Variants in HABP2 observed in about 807,000 individuals in gnomAD.
The protein encoded by HABP2 is factor VII-activating protease.
In HABP2, 65 loss-of-function variants were observed where a neutral mutation model predicts 66.5. That is an observed-to-expected ratio of 0.98 (90% CI 0.80 to 1.20). The LOEUF (loss-of-function observed/expected upper bound fraction) is 1.20. Among genes scored for constraint, HABP2 ranks in the 50% most tolerant of loss-of-function variants. The pLI, the probability that HABP2 is intolerant of heterozygous loss-of-function variation, is 0.00. For missense variants in HABP2, 786 were observed against 691.0 expected (o/e 1.14, Z -1.54); for synonymous variants, 263 against 253.9 (o/e 1.04, Z -0.34).
intron 7 of HABP2, among the ~76,000 whole-genome samples, chr10:113,580,110 G>A (rs1397952944): frequency 6.7e-6 from 1 of 148,158 alleles, no homozygotes; most frequent in Non-Finnish European, 1.5e-5. Flanking sequence ...CAAAACACTA[G>A]TACTTTCCAC....
At position 113,582,786 on chromosome 10, in the gene HABP2, G is replaced by C. The variant is rs143166135; in HGVS notation, c.1095-430G>C. Among the ~76,000 whole-genome samples, 25 of 152,332 alleles carry C rather than the reference G, an allele frequency of 1.6e-4. 1 individual carries two copies. The East Asian group carries it at 4.8e-3, about 29-fold the overall frequency. On this transcript the variant is annotated intron_variant, in intron 9 of 12. Transcript: ENST00000351270. ...CTGAGCTCCCTGTGCTCATGGTCAAGGCTGGTCCAACAAAGTCTGGGTTTT... is the reference window on the plus strand; with the variant it reads ...CTGAGCTCCCTGTGCTCATGGTCAACGCTGGTCCAACAAAGTCTGGGTTTT...
chr10:113,554,679 A>AT (rs1385536089), intron 1 of HABP2, among the ~76,000 whole-genome samples: 1 of 152,238 alleles, frequency 6.6e-6, no homozygotes, highest in Non-Finnish European at 1.5e-5. Context: ...CCCAGAGAAC[A>AT]TACCAGTCGG....
chr10:113,556,034 A>G (rs181206946), intron 1 of HABP2, among the ~76,000 whole-genome samples: 39 of 149,156 alleles, frequency 2.6e-4, no homozygotes, highest in African/African-American at 8.7e-4. Flanking sequence ...AGAAAGAAGA[A>G]AGACAAAGGC....
At chr10:113,564,600 C>A (rs188543987) in intron 1 of HABP2, among the ~76,000 whole-genome samples, 2 of 152,098 alleles carry the variant, frequency 1.3e-5, no homozygotes, top group East Asian at 1.9e-4. Context: ...TAACAAATGA[C>A]CTCTCTTCCT....
chr10:113,553,110 TA>T lies in HABP2; in HGVS notation c.-9del. The T allele has an allele frequency of 6.2e-7, 1 of 1,610,572 alleles. No individual in the cohort carries two copies. Among genetic ancestry groups the T allele is most frequent in the Non-Finnish European group, 8.5e-7 (1 of 1,176,768 alleles). ...TTATTGAGAGGAAAACACAAGTCCT[TA>T]AACTGCAAAGATGTTTGCCAGGATG... On this transcript the variant is annotated 5_prime_UTR_variant, in exon 1 of 13. Coordinates refer to ENST00000351270, the MANE Select transcript of HABP2 (RefSeq NM_004132.5).
chr10:113,570,829 C>G (rs1364600437), intron 2 of HABP2, among the ~76,000 whole-genome samples: 1 of 152,206 alleles, frequency 6.6e-6, no homozygotes, highest in African/African-American at 2.4e-5. Flanking sequence ...ACATTAACTA[C>G]AGGTAGGGCT....
chr10:113,587,344 A>AAG (rs1845663809), intron 12 of HABP2, among the ~76,000 whole-genome samples: 1 of 151,956 alleles, frequency 6.6e-6, no homozygotes, highest in Non-Finnish European at 1.5e-5. Context: ...CAAACAAAAA[A>AAG]AAACCTCATT....
intron 1 of HABP2, among the ~76,000 whole-genome samples, chr10:113,565,334 A>ATTT (rs1592686517): frequency 3.3e-5 from 5 of 151,564 alleles, no homozygotes; most frequent in Non-Finnish European, 5.9e-5. Context: ...ATTTTTTTTA[A>ATTT]AAAAGAGGTT....
rs201282205 is a variant in HABP2 at position 113,577,153 on chromosome 10, A to G, written c.335A>G (p.Gln112Arg). 347 of 1,585,834 alleles carry G rather than the reference A, an allele frequency of 2.2e-4. 1 individual carries two copies. Among genetic ancestry groups the G allele is most frequent in the Non-Finnish European group, 2.9e-4 (334 of 1,154,256 alleles). The change falls in exon 5 of 13, where the codon CAA becomes CGA. Residue 112 changes from glutamine to arginine, a missense_variant. By Grantham distance (43) the Gln-to-Arg change is conservative. Transcript: ENST00000351270. The part of the protein sequence containing the change: ...PFSGNKCQKV[Q>R]NTCKDNPCGR... The stretch of plus-strand genomic sequence containing the variant: ...TTATGTTATGGATCTCCTACAGTGC[A>G]AAATACGTGCAAGGACAACCCATGT...
chr10:113,587,876 T>C (rs553690832), intron 12 of HABP2, among the ~76,000 whole-genome samples: 11 of 151,164 alleles, frequency 7.3e-5, no homozygotes, highest in African/African-American at 2.7e-4. Context: ...TGCCTTGGAG[T>C]CCCCAACCTC....
chr10:113,577,877 T>A, intron 5 of HABP2, 149 bp from the exon 6 acceptor site: 1 of 825,186 alleles, frequency 1.2e-6, no homozygotes, highest in Non-Finnish European at 1.9e-6. Context: ...CTTACTAGAG[T>A]GTCAGTGGAT....
At chr10:113,572,485 T>C (rs1483559861) in intron 2 of HABP2, among the ~76,000 whole-genome samples, 1 of 152,198 alleles carries the variant, frequency 6.6e-6, no homozygotes, top group African/African-American at 2.4e-5. Context: ...TAAACATCTG[T>C]TGGAAAAACA....
At chr10:113,568,565 G>A (rs559916975) in intron 2 of HABP2, among the ~76,000 whole-genome samples, 23 of 152,226 alleles carry the variant, frequency 1.5e-4, no homozygotes, top group African/African-American at 4.8e-4. Context: ...GAGAAAATCC[G>A]TGTCTTTCCC....
rs141600806 is a variant in HABP2 at position 113,584,806 on chromosome 10, G to A, written c.1372+524G>A. 3.9e-5 allele frequency among the ~76,000 whole-genome samples: 6 copies of A among 152,192 alleles called. No individual in the cohort carries two copies. In the East Asian group the frequency reaches 1.2e-3, roughly 29 times the overall value. On this transcript the variant is annotated intron_variant, in intron 11 of 12. Coordinates refer to ENST00000351270, the MANE Select transcript of HABP2 (RefSeq NM_004132.5). ...TGTCTGTCTCACAGTACTTTGCTCG[G>A]GGTTCTCCACACAGTAGACATTCTA...
intron 1 of HABP2, among the ~76,000 whole-genome samples, chr10:113,558,634 T>C (rs1395903633): frequency 6.6e-6 from 1 of 152,176 alleles, no homozygotes; most frequent in African/African-American, 2.4e-5. Flanking sequence ...ACCATCTCAA[T>C]CAACTCAGAT....
chr10:113,587,958 G>A (rs1437618198), intron 12 of HABP2, among the ~76,000 whole-genome samples: 1 of 152,070 alleles, frequency 6.6e-6, no homozygotes, highest in Admixed American at 6.6e-5. Flanking sequence ...GTTGGGAAGT[G>A]CAGCTGTGCG....
intron 2 of HABP2, 42 bp downstream of exon 2, chr10:113,567,567 G>T: frequency 1.4e-6 from 2 of 1,481,380 alleles, no homozygotes; most frequent in Non-Finnish European, 1.9e-6. Flanking sequence ...CCAATCCCAG[G>T]CTGGTTCTGG....
chr10:113,581,342 T>C (rs1845526055), intron 8 of HABP2, among the ~76,000 whole-genome samples: 1 of 152,200 alleles, frequency 6.6e-6, no homozygotes, highest in African/African-American at 2.4e-5. Flanking sequence ...TTACAAACCC[T>C]AAGGAACAGG....
intron 1 of HABP2, among the ~76,000 whole-genome samples, chr10:113,554,000 T>A (rs1021610969): frequency 6.6e-6 from 1 of 152,172 alleles, no homozygotes; most frequent in Admixed American, 6.5e-5. Flanking sequence ...GAATGTGGGC[T>A]TTGGAGCCAG....
Sources: gnomAD v4.1 joint callset for allele counts (sites outside exome capture counted in the v4.1 genomes callset) on GRCh38, gnomAD v4.1.1 for gene constraint, MANE v1.5 for transcripts, NCBI Gene and HGNC (gene_info 2026-07-23, HGNC 2026-07-21) for gene names.